USP9X: variants seen among roughly 807,000 people sequenced by gnomAD.
USP9X encodes the protein ubiquitin specific peptidase 9 X-linked.
Under a neutral mutation model 190.3 loss-of-function variants are expected in USP9X, and 7 were observed. That is an observed-to-expected ratio of 0.04 (90% CI 0.02 to 0.07). The LOEUF (loss-of-function observed/expected upper bound fraction) is 0.07. Ranked by LOEUF, USP9X falls within the 10% of genes least tolerant of loss-of-function variation. The pLI is 1.00. For synonymous variants in USP9X, 645 were observed against 659.5 expected, an observed-to-expected ratio of 0.98 and a Z score of 0.34; for missense variants, 1,010 against 1,916.9, an observed-to-expected ratio of 0.53 and a Z score of 8.83.
intron 38 of USP9X, among the ~76,000 whole-genome samples, chrX:41,221,229 T>C (rs1304152212): frequency 9.0e-6 from 1 of 111,617 alleles, no homozygotes; most frequent in African/African-American, 3.3e-5. Context: ...ACCACTGCAC[T>C]CCAGCCTGGG....
chrX:41,166,620 C>T (rs189704135), intron 16 of USP9X, among the ~76,000 whole-genome samples: 2 of 111,977 alleles, frequency 1.8e-5, no homozygotes, highest in East Asian at 5.6e-4. Flanking sequence ...TGAGTATATG[C>T]TTTATTGGCA....
In USP9X at chrX:41,094,725, G is replaced by A. The variant is rs142030448; in HGVS notation, c.-159+8616G>A. Among the ~76,000 whole-genome samples, 783 of 110,142 alleles carry A rather than the reference G, an allele frequency of 7.1e-3. 6 individuals carry two copies. Among genetic ancestry groups the A allele is most frequent in the African/African-American group, 0.023 (693 of 30,275 alleles). ...TTGGAATATTTGGAATATTACTTGC[G>A]GGTGAGTGAAAATTCAAAATCCGAA... On this transcript the variant is annotated intron_variant, in intron 1 of 44. Coordinates refer to ENST00000378308, the MANE Select transcript of USP9X (RefSeq NM_001039591.3).
At chrX:41,218,993 C>G in intron 37 of USP9X, 109 bp from the exon 38 acceptor site, 1 of 796,966 alleles carries the variant, frequency 1.3e-6, no homozygotes, top group Admixed American at 4.3e-5. Flanking sequence ...GTGATCAGTC[C>G]TTCCATAAAT....
intron 11 of USP9X, among the ~76,000 whole-genome samples, chrX:41,147,515 G>A (rs753848801): frequency 1.9e-3 from 186 of 98,390 alleles, no homozygotes; most frequent in Non-Finnish European, 3.2e-3. Context: ...GTGCAGTGGC[G>A]CGATCCCAGC....
chrX:41,099,360 A>G (rs2062019460), intron 1 of USP9X, among the ~76,000 whole-genome samples: 1 of 110,773 alleles, frequency 9.0e-6, no homozygotes, highest in East Asian at 2.8e-4. Context: ...GCTGGTTTAT[A>G]GGATACATAT....
chrX:41,189,332 C>T lies in USP9X; in HGVS notation c.3834C>T (p.Asp1278=). ...AGACCAATGCAGGCAATGAGCCAGA[C>T]TTGGAAGACGAACAGGTTTGCTGTG... The part of the protein sequence containing the change: ...YEKTNAGNEP[D]LEDEQVCCEA... Residue 1278 remains aspartate (D), a synonymous_variant, in exon 26 of 45, where the codon GAC becomes GAT. Transcript: ENST00000378308. 8.3e-7 allele frequency: 1 copy of T among 1,210,202 alleles called. No individual in the cohort carries two copies. The highest frequency in any genetic ancestry group is 1.1e-6 in the Non-Finnish European group (1 of 894,605).
intron 1 of USP9X, among the ~76,000 whole-genome samples, chrX:41,100,656 T>A (rs892807610): frequency 1.8e-5 from 2 of 111,071 alleles, no homozygotes; most frequent in African/African-American, 6.5e-5. Context: ...TTAAAAAAAA[T>A]TTTTTTTGAA....
At chrX:41,110,265 T>A (rs2062098974) in intron 1 of USP9X, among the ~76,000 whole-genome samples, 1 of 112,355 alleles carries the variant, frequency 8.9e-6, no homozygotes, top group Non-Finnish European at 1.9e-5. Flanking sequence ...ATTCCATATA[T>A]CTGAGGAATA....
intron 1 of USP9X, among the ~76,000 whole-genome samples, chrX:41,086,811 A>G (rs2061916936): frequency 8.9e-6 from 1 of 112,591 alleles, no homozygotes; most frequent in Admixed American, 9.3e-5. Context: ...TTACCTTTCT[A>G]TTTTTAACTG....
At chrX:41,167,674 C>T (rs2062689641) in intron 17 of USP9X, 97 bp downstream of exon 17, 1 of 614,511 alleles carries the variant, frequency 1.6e-6, no homozygotes, top group Non-Finnish European at 2.4e-6. Context: ...ATGAATCTTG[C>T]CTTGTTAGTT....
intron 38 of USP9X, among the ~76,000 whole-genome samples, 176 bp downstream of exon 38, chrX:41,219,407 T>C (rs1053885995): frequency 3.6e-5 from 4 of 111,282 alleles, no homozygotes; most frequent in African/African-American, 9.8e-5. Context: ...TATGCATGTG[T>C]CTTTGTGGTA....
At chrX:41,161,181 G>T (rs1233972405) in intron 14 of USP9X, among the ~76,000 whole-genome samples, 1 of 110,721 alleles carries the variant, frequency 9.0e-6, no homozygotes, top group Non-Finnish European at 1.9e-5. Flanking sequence ...AGGGTAAAAG[G>T]ACATATGTCC....
At chrX:41,176,195 C>G (rs2062773700) in intron 21 of USP9X, among the ~76,000 whole-genome samples, 2 of 111,719 alleles carry the variant, frequency 1.8e-5, no homozygotes, top group Admixed American at 9.5e-5. Context: ...GGTCTCTACC[C>G]CAGGGACACT....
intron 2 of USP9X, among the ~76,000 whole-genome samples, chrX:41,125,713 C>G (rs769712747): frequency 4.3e-4 from 45 of 105,106 alleles, no homozygotes; most frequent in African/African-American, 1.6e-3. Flanking sequence ...CTCTCTCTCT[C>G]TCTCTCGCGC....
chrX:41,170,648 A>C lies in USP9X; in HGVS notation c.3027+29A>C, dbSNP rs755050120. The C allele has an allele frequency of 2.8e-5, 33 of 1,183,831 alleles. 1 individual carries two copies. In the Admixed American group the frequency reaches 7.6e-4, roughly 27 times the overall value. ...AGTAGATACAGTTTTGAACTACTGTATGTAAGGCATCATGCTAGGGTTTTT... is the reference window on the plus strand; with the variant it reads ...AGTAGATACAGTTTTGAACTACTGTCTGTAAGGCATCATGCTAGGGTTTTT... On this transcript the variant is annotated intron_variant, in intron 20 of 44. Coordinates refer to ENST00000378308, the MANE Select transcript of USP9X (RefSeq NM_001039591.3).
chrX:41,159,775 C>T (rs1459141515), intron 14 of USP9X, among the ~76,000 whole-genome samples: 1 of 111,207 alleles, frequency 9.0e-6, no homozygotes, highest in Non-Finnish European at 1.9e-5. Context: ...CAGCCCTCCT[C>T]AGCCTCCCAA....
rs756203778 is a variant in USP9X at position 41,225,076 on chromosome X, C to T, written c.7000C>T (p.Arg2334Trp). Residue 2334 changes from arginine (R) to tryptophan (W), a missense_variant, in exon 41 of 45, where the codon CGG (arginine) becomes TGG (tryptophan). Arg to Trp is a moderately radical substitution (Grantham distance 101, BLOSUM62 -3). Coordinates refer to ENST00000378308, the MANE Select transcript of USP9X (RefSeq NM_001039591.3). ...TGCATATTCCTATACCTATGAACTG[C>T]GGCCCTATTTGGATCTGCTTTTGCA... Reference protein sequence around the residue: ...QVAYSYTYELRPYLDLLLQIL... With the variant: ...QVAYSYTYELWPYLDLLLQIL... The T allele has an allele frequency of 8.3e-7, 1 of 1,209,857 alleles. No homozygotes were observed.
intron 41 of USP9X, among the ~76,000 whole-genome samples, chrX:41,227,618 C>A (rs1211525073): frequency 9.0e-6 from 1 of 111,700 alleles, no homozygotes; most frequent in African/African-American, 3.3e-5. Flanking sequence ...ATTTACATAA[C>A]AAAACTCACC....
At chrX:41,148,342 T>A in intron 11 of USP9X, 27 bp from the exon 12 acceptor site, 2 of 1,206,017 alleles carry the variant, frequency 1.7e-6, no homozygotes, top group Non-Finnish European at 2.2e-6. Flanking sequence ...ATATGTGTTG[T>A]TTTCATGTCA....
Sources: allele counts gnomAD v4.1 joint callset (sites outside exome capture counted in the v4.1 genomes callset), GRCh38; gene constraint gnomAD v4.1.1; transcripts MANE v1.5; gene names NCBI Gene and HGNC (gene_info 2026-07-23, HGNC 2026-07-21).